MREG: variants seen among roughly 807,000 people sequenced by gnomAD.
MREG encodes the protein dilute suppressor protein homolog.
In MREG, 31 loss-of-function variants were observed where a neutral mutation model predicts 28.5. That is an observed-to-expected ratio of 1.09 (90% CI 0.82 to 1.47). MREG has a LOEUF of 1.47. Among genes scored for constraint, MREG ranks in the 40% most tolerant of loss-of-function variants. MREG has a pLI of 0.00. For missense variants in MREG, 256 were observed against 257.4 expected (o/e 0.99, Z 0.04); for synonymous variants, 106 against 95.2 (o/e 1.11, Z -0.66).
rs187458808 is a variant in MREG at position 216,032,534 on chromosome 2, C to G, written c.-68+255G>C. Among the ~76,000 whole-genome samples, 51 of 152,288 alleles carry G rather than the reference C, an allele frequency of 3.3e-4. No homozygotes were observed. In the East Asian group the frequency reaches 5.4e-3, roughly 16 times the overall value. ...GCTGACCAGGGGTACAGGGGTCTTCCTAGGGCCTGCAGAGCAGAATCCAGG... is the reference window on the plus strand; with the variant it reads ...GCTGACCAGGGGTACAGGGGTCTTCGTAGGGCCTGCAGAGCAGAATCCAGG... On this transcript the variant is annotated intron_variant, in intron 1 of 3. Coordinates refer to the MREG transcript ENST00000420348.
chr2:215,943,894 T>C lies in MREG; in HGVS notation c.*969A>G, dbSNP rs1446296962. ...AGGCTTTTGGAATAGAAATGGACAATATACAAAGATGAGAGAACCAGATAT... is the reference window on the plus strand; with the variant it reads ...AGGCTTTTGGAATAGAAATGGACAACATACAAAGATGAGAGAACCAGATAT... On this transcript the variant is annotated 3_prime_UTR_variant, in exon 5 of 5. Coordinates refer to ENST00000263268, the MANE Select transcript of MREG (RefSeq NM_018000.3). Among the ~76,000 whole-genome samples the C allele has an allele frequency of 8.5e-6, 1 of 117,256 alleles. No individual in the cohort carries two copies. The highest frequency in any genetic ancestry group is 3.2e-5 in the African/African-American group (1 of 30,950). 76.9% of individuals were successfully genotyped at this position (117,256 alleles called of 152,430 possible). A position where few individuals can be genotyped will look rare whatever the true frequency, so the allele number is the denominator to read the frequency against.
intron 1 of MREG, 61 bp downstream of exon 1, chr2:216,013,172 A>G (rs1382153941): frequency 1.4e-6 from 2 of 1,463,820 alleles, no homozygotes; most frequent in African/African-American, 1.4e-5. Context: ...AGGTGTCCAC[A>G]CTCTCGGCGC....
rs116537497 is a variant in MREG, at chr2:215,997,239, T to C, written c.96-774A>G. ...TGCCAGGAAAATTAAGTAATAAACA[T>C]GCGTACCCAAAGACTTTCAATAAAC... is the stretch of plus-strand genomic sequence containing the variant. On this transcript the variant is annotated intron_variant, in intron 1 of 4. Coordinates refer to ENST00000263268, the MANE Select transcript of MREG (RefSeq NM_018000.3). Among the ~76,000 whole-genome samples, 1,086 of 152,288 alleles carry C rather than the reference T, an allele frequency of 7.1e-3. 14 individuals carry two copies. Among genetic ancestry groups the C allele is most frequent in the African/African-American group, 0.025 (1,027 of 41,558 alleles).
At chr2:215,982,075 C>T (rs1693440821) in intron 2 of MREG, among the ~76,000 whole-genome samples, 1 of 152,188 alleles carries the variant, frequency 6.6e-6, no homozygotes, top group South Asian at 2.1e-4. Context: ...AATCCCAACA[C>T]TTTGGGAGGC....
At chr2:215,982,939 C>T (rs1403180491) in intron 2 of MREG, among the ~76,000 whole-genome samples, 1 of 152,116 alleles carries the variant, frequency 6.6e-6, no homozygotes, top group Non-Finnish European at 1.5e-5. Context: ...ATATTATTAC[C>T]TAGAAAATAG....
intron 2 of MREG, among the ~76,000 whole-genome samples, chr2:215,986,025 TC>T (rs1432768700): frequency 6.6e-6 from 1 of 152,154 alleles, no homozygotes; most frequent in East Asian, 1.9e-4. Flanking sequence ...CCGTCTAGCT[TC>T]CCTCTTTCAC....
chr2:215,978,339 ACTGAATCT>A (rs1277242694), intron 2 of MREG, among the ~76,000 whole-genome samples: 1 of 152,168 alleles, frequency 6.6e-6, no homozygotes, highest in Non-Finnish European at 1.5e-5. Context: ...CCAGGAAGAA[ACTGAATCT>A]CTGAATAGAC....
At position 216,011,090 on chromosome 2, in the gene MREG, C is replaced by T. The variant is rs569800447; in HGVS notation, c.95+2143G>A. On this transcript the variant is annotated intron_variant, in intron 1 of 4. Transcript: ENST00000263268. ...CAGCCTGGGCAACAGAGCAAGACTC[C>T]GTCTCAAAAAAAAAAAAAAAAAATA... 6.2e-5 allele frequency among the ~76,000 whole-genome samples: 7 copies of T among 113,550 alleles called. No individual in the cohort carries two copies. In the South Asian group the frequency reaches 1.4e-3, roughly 23 times the overall value. 74.5% of individuals were successfully genotyped at this position (113,550 alleles called of 152,430 possible).
chr2:216,010,074 T>C (rs1559197837), intron 1 of MREG, among the ~76,000 whole-genome samples: 1 of 152,310 alleles, frequency 6.6e-6, no homozygotes, highest in African/African-American at 2.4e-5. Context: ...GATCTTGAGA[T>C]GAAATCATCC....
intron 2 of MREG, among the ~76,000 whole-genome samples, chr2:215,958,968 G>A (rs1481125689): frequency 6.6e-6 from 1 of 152,124 alleles, no homozygotes; most frequent in Non-Finnish European, 1.5e-5. Context: ...GGGGAGGAAA[G>A]CAACAATATC....
chr2:215,979,759 C>T (rs1040603005), intron 2 of MREG, among the ~76,000 whole-genome samples: 5 of 151,694 alleles, frequency 3.3e-5, no homozygotes, highest in Admixed American at 6.6e-5. Context: ...CTTGACTGTA[C>T]GACAGGGAGG....
At chr2:215,955,659 T>G (rs940369390) in intron 2 of MREG, among the ~76,000 whole-genome samples, 16 of 152,252 alleles carry the variant, frequency 1.1e-4, no homozygotes, top group African/African-American at 3.9e-4. Context: ...CTTATGCTGC[T>G]TCTACTTAAA....
Position 215,944,706 on chromosome 2 carries a change from G to A in MREG, c.*157C>T. On this transcript the variant is annotated 3_prime_UTR_variant, in exon 5 of 5. Transcript: ENST00000263268. The stretch of plus-strand genomic sequence containing the variant: ...CAGCCTGCACAATTCATGGGGCAGG[G>A]TCCTCAGATTAAAGACTTTACATTT... 1 of 673,416 alleles carries A rather than the reference G, an allele frequency of 1.5e-6. No individual in the cohort carries two copies. Among genetic ancestry groups the A allele is most frequent in the South Asian group, 4.3e-5 (1 of 23,398 alleles). 41.7% of individuals were successfully genotyped at this position (673,416 alleles called of 1,614,324 possible). A position where few individuals can be genotyped will look rare whatever the true frequency, so the allele number is the denominator to read the frequency against.
intron 2 of MREG, among the ~76,000 whole-genome samples, chr2:215,980,873 G>A (rs1018021848): frequency 6.7e-6 from 1 of 150,322 alleles, no homozygotes; most frequent in Non-Finnish European, 1.5e-5. Context: ...GGGAGGGCAG[G>A]GCAGGGCAGG....
chr2:215,945,486 T>C (rs1692295108), intron 4 of MREG, 85 bp downstream of exon 4: 1 of 1,483,702 alleles, frequency 6.7e-7, no homozygotes. Flanking sequence ...GATGGTGGTG[T>C]TGGAATACGG....
chr2:216,033,332 A>G (rs1246074988), upstream of MREG, among the ~76,000 whole-genome samples: 8 of 152,196 alleles, frequency 5.3e-5, no homozygotes. Context: ...GTTGAATAAA[A>G]TGACCAGTAA....
chr2:216,032,900 C>CA (rs1247655040), exon 1 of MREG: 1 of 151,976 alleles, frequency 6.6e-6, no homozygotes, highest in Non-Finnish European at 1.5e-5. Flanking sequence ...AATACCAAAG[C>CA]AAAAAACTAA....
At chr2:216,014,739 A>C (rs968540403), upstream of MREG, among the ~76,000 whole-genome samples, 2 of 152,116 alleles carry the variant, frequency 1.3e-5, no homozygotes, top group African/African-American at 4.8e-5. Flanking sequence ...GTGCCTTTTT[A>C]ATTTTGATGG....
At position 216,007,742 on chromosome 2, in the gene MREG, C is replaced by CT. The variant is rs35798836; in HGVS notation, c.95+5490dup. 2.1e-3 allele frequency among the ~76,000 whole-genome samples: 320 copies of CT among 148,846 alleles called. 2 individuals are homozygous for CT. The highest frequency in any genetic ancestry group is 6.1e-3 in the Admixed American group (92 of 14,986). On this transcript the variant is annotated intron_variant, in intron 1 of 4. Coordinates refer to ENST00000263268, the MANE Select transcript of MREG (RefSeq NM_018000.3). ...ACTGCACCCAACCCCCACTTAGCGG[C>CT]TTTTTTTTTGCATTTTTGTACTTTT...
Sources: gnomAD v4.1 joint callset for allele counts (sites outside exome capture counted in the v4.1 genomes callset) on GRCh38, gnomAD v4.1.1 for gene constraint, MANE v1.5 for transcripts, NCBI Gene and HGNC (gene_info 2026-07-23, HGNC 2026-07-21) for gene names.